Variants in PTPRA observed in about 807,000 individuals in gnomAD.
PTPRA encodes the protein protein tyrosine phosphatase receptor type A.
Under a neutral mutation model 104.8 loss-of-function variants are expected in PTPRA, and 25 were observed. That is an observed-to-expected ratio of 0.24 (90% confidence interval 0.17 to 0.33). The LOEUF (loss-of-function observed/expected upper bound fraction) is 0.33, where lower values mean the gene tolerates loss of function less well. PTPRA is among the 10% of genes least tolerant of loss of function. The pLI is 1.00. For missense variants in PTPRA, 765 were observed against 1,015.3 expected (o/e 0.75, Z 3.35); for synonymous variants, 323 against 368.9 (o/e 0.88, Z 1.43).
At chr20:2,992,595 G>A (rs890937154) in intron 9 of PTPRA, among the ~76,000 whole-genome samples, 5 of 152,180 alleles carry the variant, frequency 3.3e-5, no homozygotes, top group Non-Finnish European at 4.4e-5. Context: ...CTGTGATCAG[G>A]CTTGCAGTCT....
intron 13 of PTPRA, 45 bp downstream of exon 13, chr20:3,017,958 A>T: frequency 6.7e-7 from 1 of 1,496,332 alleles, no homozygotes; most frequent in Non-Finnish European, 9.3e-7. Context: ...ATCACTCTGC[A>T]TATAAGCTCT....
At chr20:3,006,909 C>T (rs1042752471) in intron 10 of PTPRA, among the ~76,000 whole-genome samples, 1 of 152,120 alleles carries the variant, frequency 6.6e-6, no homozygotes, top group Non-Finnish European at 1.5e-5. Context: ...GGATTATAGG[C>T]GTGACCCACC....
intron 2 of PTPRA, among the ~76,000 whole-genome samples, chr20:2,937,045 A>C (rs1191550461): frequency 6.6e-6 from 1 of 151,938 alleles, no homozygotes; most frequent in Non-Finnish European, 1.5e-5. Context: ...ACAGTCTATT[A>C]ATATCAACTT....
chr20:2,987,816 G>T, intron 7 of PTPRA: 1 of 665,776 alleles, frequency 1.5e-6, no homozygotes, highest in African/African-American at 1.7e-5. Flanking sequence ...TTCCCTGGTT[G>T]GATTCCAGTG....
intron 16 of PTPRA, among the ~76,000 whole-genome samples, chr20:3,023,448 C>T (rs903478024): frequency 1.3e-4 from 20 of 152,180 alleles, no homozygotes; most frequent in African/African-American, 4.6e-4. Context: ...AAAACCCGAT[C>T]GTACATTCTA....
At chr20:2,957,899 T>C (rs1393572856) in intron 3 of PTPRA, among the ~76,000 whole-genome samples, 1 of 151,628 alleles carries the variant, frequency 6.6e-6, no homozygotes, top group Non-Finnish European at 1.5e-5. Context: ...AGGGTTCCAC[T>C]GAAGCGGAAA....
chr20:2,944,667 T>C (rs527440808), intron 2 of PTPRA, among the ~76,000 whole-genome samples: 1 of 152,320 alleles, frequency 6.6e-6, no homozygotes, highest in South Asian at 2.1e-4. Context: ...GGAGTGGCAG[T>C]GTCTCACTGT....
intron 13 of PTPRA, 83 bp from the exon 14 acceptor site, chr20:3,021,226 T>C: frequency 6.3e-7 from 1 of 1,582,262 alleles, no homozygotes; most frequent in Non-Finnish European, 8.6e-7. Context: ...ATCTGGGCTT[T>C]GTGGGCTCTT....
At chr20:2,923,579 A>C (rs960232622) in intron 2 of PTPRA, among the ~76,000 whole-genome samples, 15 of 151,918 alleles carry the variant, frequency 9.9e-5, no homozygotes, top group African/African-American at 3.6e-4. Context: ...CGGGCAGATC[A>C]CTTGAGGTCA....
chr20:2,883,813 A>G (rs2090212553), intron 1 of PTPRA, among the ~76,000 whole-genome samples: 1 of 152,112 alleles, frequency 6.6e-6, no homozygotes, highest in South Asian at 2.1e-4. Flanking sequence ...GTATATGCAT[A>G]GAGTTGTGCA....
intron 1 of PTPRA, among the ~76,000 whole-genome samples, chr20:2,875,627 A>G (rs996510648): frequency 2.0e-5 from 3 of 152,232 alleles, no homozygotes; most frequent in South Asian, 2.1e-4. Context: ...AGATTGTGAT[A>G]ATAATAATAG....
At chr20:2,889,890 A>G (rs940546025) in intron 1 of PTPRA, among the ~76,000 whole-genome samples, 7 of 151,872 alleles carry the variant, frequency 4.6e-5, no homozygotes, top group Admixed American at 6.6e-5. Flanking sequence ...GCAACCCCCC[A>G]TACCTTTTTT....
At chr20:2,985,936 G>T (rs1007857062) in intron 6 of PTPRA, among the ~76,000 whole-genome samples, 1 of 151,504 alleles carries the variant, frequency 6.6e-6, no homozygotes, top group South Asian at 2.1e-4. Flanking sequence ...TTGAGACAGG[G>T]TCTTGCTCTG....
At chr20:2,986,424 G>A (rs2062914230) in intron 6 of PTPRA, among the ~76,000 whole-genome samples, 1 of 152,192 alleles carries the variant, frequency 6.6e-6, no homozygotes, top group African/African-American at 2.4e-5. Context: ...TATGTGCTAA[G>A]TACTGTTTTA....
chr20:2,872,756 C>T (rs1397337428), upstream of PTPRA, among the ~76,000 whole-genome samples: 4 of 152,208 alleles, frequency 2.6e-5, no homozygotes, highest in East Asian at 7.7e-4. This position sits in a 1 kb window ranked among gnomAD's most constrained non-coding sequence, Gnocchi z 7.9. Flanking sequence ...GCCCCAACCC[C>T]GGCCGGGGGA....
chr20:2,881,016 AAAAAG>A (rs2090014925), intron 1 of PTPRA, among the ~76,000 whole-genome samples: 1 of 151,992 alleles, frequency 6.6e-6, no homozygotes, highest in Non-Finnish European at 1.5e-5. Flanking sequence ...TCTCAAAAAA[AAAAAG>A]AGGAGGACCG....
At position 3,022,330 on chromosome 20, in the gene PTPRA, C is replaced by A; in HGVS notation, c.1328+110C>A. On this transcript the variant is annotated intron_variant, in intron 15 of 23. Coordinates refer to ENST00000399903, the MANE Select transcript of PTPRA (RefSeq NM_001385305.1). This position sits in a 1 kb window ranked among gnomAD's most constrained non-coding sequence, Gnocchi z 4.6. ...GAGGAGGCTGGCACAGAGTAGATGACCTACTGGGGCACCAGCGCAACAGCC... is the reference window on the plus strand; with the variant it reads ...GAGGAGGCTGGCACAGAGTAGATGAACTACTGGGGCACCAGCGCAACAGCC... The A allele has an allele frequency of 1.5e-6, 2 of 1,346,800 alleles. No homozygotes were observed. Among genetic ancestry groups the A allele is most frequent in the Non-Finnish European group, 2.0e-6 (2 of 978,220 alleles). 83.4% of individuals were successfully genotyped at this position (1,346,800 alleles called of 1,614,324 possible).
At chr20:3,013,916 T>TCCTGAAAA (rs1247043375) in intron 11 of PTPRA, among the ~76,000 whole-genome samples, 1 of 152,114 alleles carries the variant, frequency 6.6e-6, no homozygotes, top group Non-Finnish European at 1.5e-5. Context: ...TGCCGCCACA[T>TCCTGAAAA]CACTGTACAA....
rs1397107445 is a variant in PTPRA, at chr20:2,975,201, T to C, written c.416-14T>C. ...AACCTGAATGAATGTTTCTATTTTTTACTTATTACACAGGTAATTCTGACT... is the reference window on the plus strand; with the variant it reads ...AACCTGAATGAATGTTTCTATTTTTCACTTATTACACAGGTAATTCTGACT... On this transcript the variant is annotated splice_polypyrimidine_tract_variant and intron_variant, in intron 5 of 23. Transcript: ENST00000399903. 21 of 1,580,760 alleles carry C rather than the reference T, an allele frequency of 1.3e-5. No homozygotes were observed. Among genetic ancestry groups the C allele is most frequent in the Non-Finnish European group, 1.7e-5 (20 of 1,152,714 alleles).
Sources: allele counts gnomAD v4.1 joint callset (sites outside exome capture counted in the v4.1 genomes callset), GRCh38; gene constraint gnomAD v4.1.1; non-coding constraint Gnocchi (gnomAD v3.1); transcripts MANE v1.5; gene names NCBI Gene and HGNC (gene_info 2026-07-23, HGNC 2026-07-21).